TRIQK: variants seen among roughly 807,000 people sequenced by gnomAD.
TRIQK encodes triple QxxK/R motif-containing protein.
TRIQK carries 10 observed loss-of-function variants against 10.8 expected under a neutral mutation model. The observed-to-expected ratio is 0.92, with a 90% CI of 0.57 to 1.57. The LOEUF is 1.57. TRIQK is among the 40% of genes most tolerant of loss of function. The pLI, the probability that TRIQK is intolerant of heterozygous loss-of-function variation, is 0.00. For missense variants in TRIQK, 107 were observed against 97.7 expected (o/e 1.09, Z -0.40); for synonymous variants, 33 against 33.7 (o/e 0.98, Z 0.07).
At chr8:92,993,280 CT>C (rs2130751516) in intron 1 of TRIQK, among the ~76,000 whole-genome samples, 1 of 152,274 alleles carries the variant, frequency 6.6e-6, no homozygotes, top group South Asian at 2.1e-4. Context: ...GAATCTCAGA[CT>C]TATCCCCATC....
intron 1 of TRIQK, among the ~76,000 whole-genome samples, chr8:93,004,335 A>G (rs972522841): frequency 6.6e-6 from 1 of 152,212 alleles, no homozygotes; most frequent in African/African-American, 2.4e-5. Context: ...TCTGAGCTGT[A>G]CCTTGATCCC....
chr8:92,939,914 C>A (rs2130601520), intron 2 of TRIQK, among the ~76,000 whole-genome samples: 1 of 152,264 alleles, frequency 6.6e-6, no homozygotes, highest in East Asian at 1.9e-4. Context: ...TTGCAGCCTG[C>A]ACCCTTGCCC....
At chr8:92,946,977 G>A (rs2130639530) in intron 2 of TRIQK, among the ~76,000 whole-genome samples, 1 of 151,738 alleles carries the variant, frequency 6.6e-6, no homozygotes, top group African/African-American at 2.4e-5. Flanking sequence ...GTGTTAGCCA[G>A]GATGGTGTCG....
chr8:92,893,339 G>T (rs1816854636), intron 3 of TRIQK, among the ~76,000 whole-genome samples: 1 of 151,940 alleles, frequency 6.6e-6, no homozygotes, highest in African/African-American at 2.4e-5. Context: ...AAAAGTGTTT[G>T]TTTGGCTGGA....
intron 3 of TRIQK, among the ~76,000 whole-genome samples, chr8:92,898,452 C>A (rs1156286856): frequency 6.6e-6 from 1 of 152,114 alleles, no homozygotes; most frequent in Non-Finnish European, 1.5e-5. Context: ...GAAATAAACA[C>A]TCCTTAGATG....
At chr8:93,001,019 G>T (rs1429730590) in intron 1 of TRIQK, among the ~76,000 whole-genome samples, 1 of 151,968 alleles carries the variant, frequency 6.6e-6, no homozygotes, top group African/African-American at 2.4e-5. Context: ...CAATTAAAAG[G>T]TATAGAGGCT....
chr8:92,945,257 T>C (rs986520260), intron 2 of TRIQK, among the ~76,000 whole-genome samples: 3 of 152,140 alleles, frequency 2.0e-5, no homozygotes, highest in Non-Finnish European at 2.9e-5. Context: ...TTGCTTCCCC[T>C]GTAGTGAAGA....
chr8:92,926,620 G>A (rs1371015715), intron 2 of TRIQK, among the ~76,000 whole-genome samples: 1 of 152,086 alleles, frequency 6.6e-6, no homozygotes, highest in African/African-American at 2.4e-5. Flanking sequence ...TGAAAGCATA[G>A]AATCCAGTAT....
At chr8:92,930,409 A>C (rs1361406414) in intron 2 of TRIQK, among the ~76,000 whole-genome samples, 1 of 151,102 alleles carries the variant, frequency 6.6e-6, no homozygotes, top group African/African-American at 2.4e-5. Context: ...AAAAAAAAAA[A>C]AAAAAAGATT....
intron 2 of TRIQK, among the ~76,000 whole-genome samples, chr8:92,946,274 C>T (rs74461325): frequency 6.6e-6 from 1 of 152,088 alleles, no homozygotes; most frequent in Non-Finnish European, 1.5e-5. Flanking sequence ...GATCTCCCCC[C>T]CTAAATATGG....
intron 3 of TRIQK, among the ~76,000 whole-genome samples, chr8:92,915,376 G>T (rs767425565): frequency 1.3e-5 from 2 of 152,078 alleles, no homozygotes; most frequent in Non-Finnish European, 2.9e-5. Context: ...CACAGAAAAG[G>T]TACTATGTGA....
intron 4 of TRIQK, among the ~76,000 whole-genome samples, chr8:92,887,189 C>T (rs1004288259): frequency 6.6e-6 from 1 of 150,652 alleles, no homozygotes; most frequent in African/African-American, 2.4e-5. Context: ...CATTCCTTTT[C>T]ATTGTAAAGA....
At chr8:92,911,042 C>G (rs540467034) in intron 3 of TRIQK, among the ~76,000 whole-genome samples, 1 of 151,410 alleles carries the variant, frequency 6.6e-6, no homozygotes, top group East Asian at 1.9e-4. Flanking sequence ...CATACTAATT[C>G]AGACAGGAAA....
At chr8:92,973,502 T>A (rs574482583) in intron 1 of TRIQK, 65 of 152,328 alleles carry the variant, frequency 4.3e-4, no homozygotes, top group African/African-American at 1.1e-3. Context: ...TACTTTTTTT[T>A]AAATTTTTTT....
chr8:92,910,662 C>CA (rs1197391199), intron 3 of TRIQK, among the ~76,000 whole-genome samples: 1 of 150,416 alleles, frequency 6.6e-6, no homozygotes, highest in Non-Finnish European at 1.5e-5. Context: ...AACAAAATAA[C>CA]AAAAAGTATT....
At chr8:92,993,632 A>G (rs1813120707) in intron 1 of TRIQK, among the ~76,000 whole-genome samples, 1 of 152,150 alleles carries the variant, frequency 6.6e-6, no homozygotes, top group African/African-American at 2.4e-5. Flanking sequence ...CAACCCATCC[A>G]ATCATGGAGA....
intron 1 of TRIQK, among the ~76,000 whole-genome samples, chr8:92,989,699 TA>T (rs1179997112): frequency 6.6e-6 from 1 of 152,140 alleles, no homozygotes; most frequent in Non-Finnish European, 1.5e-5. Context: ...ATAATAGAAA[TA>T]AAGTATACAA....
At chr8:93,003,309 G>GGA (rs71565204) in intron 1 of TRIQK, among the ~76,000 whole-genome samples, 18,382 of 135,484 alleles carry the variant, frequency 0.14, 1,201 homozygotes, top group East Asian at 0.24. Flanking sequence ...CCCGCTTACA[G>GGA]GAGAGAGAGA....
At chr8:92,944,240 C>G (rs1197394086) in intron 2 of TRIQK, among the ~76,000 whole-genome samples, 1 of 149,792 alleles carries the variant, frequency 6.7e-6, no homozygotes, top group Non-Finnish European at 1.5e-5. Context: ...AAGGAAAACT[C>G]TTACACACTG....
Sources: gnomAD v4.1 joint callset for allele counts (sites outside exome capture counted in the v4.1 genomes callset) on GRCh38, gnomAD v4.1.1 for gene constraint, MANE v1.5 for transcripts, NCBI Gene and HGNC (gene_info 2026-07-23, HGNC 2026-07-21) for gene names.